SBNO2: variants seen among roughly 807,000 people sequenced by gnomAD.
SBNO2 encodes the protein strawberry notch homolog 2, also known as protein strawberry notch homolog 2.
SBNO2 carries 89 observed loss-of-function variants against 146.3 expected under a neutral mutation model. The ratio of observed to expected loss-of-function variants is 0.61; its 90% CI spans 0.51 to 0.73. SBNO2 has a LOEUF of 0.73. Among genes scored for constraint, SBNO2 ranks in the 30% least tolerant of loss-of-function variants. SBNO2 has a pLI of 0.00. For missense variants in SBNO2, 2,092 were observed against 2,003.7 expected (o/e 1.04, Z -0.84); for synonymous variants, 1,147 against 892.6 (o/e 1.29, Z -5.08).
Position 1,109,365 on chromosome 19 carries a change from G to A in SBNO2, c.3275C>T (p.Thr1092Met), listed in dbSNP as rs779866050. 7 of 1,584,552 alleles carry A rather than the reference G, an allele frequency of 4.4e-6. No homozygotes were observed. In the African/African-American group the frequency reaches 5.4e-5, roughly 12 times the overall value. The change falls in exon 29 of 32, where the codon ACG becomes ATG. Residue 1092 changes from threonine to methionine, a missense_variant. Physicochemically the swap from Thr to Met is moderately conservative, Grantham distance 81 (BLOSUM62 -1). Transcript: ENST00000361757. This position sits in a 1 kb window ranked among gnomAD's most constrained non-coding sequence, Gnocchi z 4.2. ...LAEQNRGQFF[T>M]VYKPNIGRQS... ...CCGGCCGATGTTGGGCTTGTACACC[G>A]TGAAGAACTGGCCGCGGTTCTGCTC...
At chr19:1,166,024 C>T (rs1460602385) in intron 1 of SBNO2, among the ~76,000 whole-genome samples, 1 of 131,634 alleles carries the variant, frequency 7.6e-6, no homozygotes, top group African/African-American at 3.1e-5. Context: ...AGACCTCAGA[C>T]CCCAGACCCC....
rs2080302390 is a variant in SBNO2 at position 1,157,443 on chromosome 19, ACACGG to A, written c.-126-3046_-126-3042del. On this transcript the variant is annotated intron_variant, in intron 1 of 31. Coordinates refer to ENST00000361757, the MANE Select transcript of SBNO2 (RefSeq NM_014963.3). The surrounding 1 kb of genome is among the most constrained non-coding windows in gnomAD (Gnocchi z 6.8). The stretch of plus-strand genomic sequence containing the variant: ...ACCCTCTCCCCACGCGGCCCCGGTG[ACACGG>A]CCCACCCCGAGCCTCAGAGCCACGG... Among the ~76,000 whole-genome samples, 1 of 151,864 alleles carries A rather than the reference ACACGG, an allele frequency of 6.6e-6. No individual in the cohort carries two copies. The highest frequency in any genetic ancestry group is 2.4e-5 in the African/African-American group (1 of 41,266).
chr19:1,156,895 A>T (rs1014201842), intron 1 of SBNO2, among the ~76,000 whole-genome samples: 1 of 147,952 alleles, frequency 6.8e-6, no homozygotes, highest in Non-Finnish European at 1.5e-5. Flanking sequence ...GGCTGTGCCC[A>T]CTCCTGAGAA....
chr19:1,167,457 G>A (rs768627719), intron 1 of SBNO2, among the ~76,000 whole-genome samples: 3 of 152,206 alleles, frequency 2.0e-5, no homozygotes, highest in East Asian at 1.9e-4. Context: ...GGCCGGGGGC[G>A]GGATTCTGCT....
At chr19:1,149,260 C>T in intron 3 of SBNO2, 109 bp downstream of exon 3, 1 of 1,024,618 alleles carries the variant, frequency 9.8e-7, no homozygotes, top group Non-Finnish European at 1.5e-6. Context: ...CCTCCAAACC[C>T]CTCAACAAGA....
chr19:1,112,687 C>A lies in SBNO2; in HGVS notation c.2379+131G>T, dbSNP rs575901090. On this transcript the variant is annotated intron_variant, in intron 20 of 31. Coordinates refer to ENST00000361757, the MANE Select transcript of SBNO2 (RefSeq NM_014963.3). The surrounding 1 kb of genome is among the most constrained non-coding windows in gnomAD (Gnocchi z 5.9). ...CGGGGCGCGGACACCACCCGCCACACGGCCACTCGCGCCCGCACCTGGCAC... is the reference window on the plus strand; with the variant it reads ...CGGGGCGCGGACACCACCCGCCACAAGGCCACTCGCGCCCGCACCTGGCAC... 1.0e-5 allele frequency: 15 copies of A among 1,431,942 alleles called. No individual in the cohort carries two copies. In the African/African-American group the frequency reaches 2.0e-4, roughly 19 times the overall value. The allele number at this position is 1,431,942 out of a possible 1,614,324, so 88.7% of individuals were successfully genotyped here. A position where few individuals can be genotyped will look rare whatever the true frequency, so the allele number is the denominator to read the frequency against.
chr19:1,158,245 C>T lies in SBNO2; in HGVS notation c.-126-3843G>A, dbSNP rs2080310844. Reference sequence around the variant, plus strand: ...CTGTCGTGTGGAGCCCCTTCGCGCGCTCCGCCCTCAGACCCGAGCCGTCTG... The same window carrying T: ...CTGTCGTGTGGAGCCCCTTCGCGCGTTCCGCCCTCAGACCCGAGCCGTCTG... On this transcript the variant is annotated intron_variant, in intron 1 of 31. Coordinates refer to ENST00000361757, the MANE Select transcript of SBNO2 (RefSeq NM_014963.3). This position sits in a 1 kb window ranked among gnomAD's most constrained non-coding sequence, Gnocchi z 9.9. 6.6e-6 allele frequency among the ~76,000 whole-genome samples: 1 copy of T among 152,220 alleles called. No homozygotes were observed. Among genetic ancestry groups the T allele is most frequent in the Non-Finnish European group, 1.5e-5 (1 of 68,038 alleles).
intron 7 of SBNO2, 43 bp downstream of exon 7, chr19:1,123,491 G>C (rs980149455): frequency 3.3e-5 from 52 of 1,554,104 alleles, no homozygotes; most frequent in Non-Finnish European, 4.6e-5. Flanking sequence ...CCCACAAAAG[G>C]GTTTGAACCT....
intron 4 of SBNO2, among the ~76,000 whole-genome samples, chr19:1,128,003 A>G (rs925179582): frequency 2.6e-5 from 4 of 152,072 alleles, no homozygotes; most frequent in Non-Finnish European, 2.9e-5. Context: ...TTTACTAGGG[A>G]CGGGGTTTCA....
At chr19:1,163,180 A>C (rs1448723856) in intron 1 of SBNO2, among the ~76,000 whole-genome samples, 1 of 152,190 alleles carries the variant, frequency 6.6e-6, no homozygotes. Context: ...GTCTTTGCAC[A>C]CGTGGTTGGT....
rs2080127780 is a variant in SBNO2 at position 1,140,746 on chromosome 19, C to T, written c.279+6563G>A. On this transcript the variant is annotated intron_variant, in intron 4 of 31. Coordinates refer to ENST00000361757, the MANE Select transcript of SBNO2 (RefSeq NM_014963.3). This position sits in a 1 kb window ranked among gnomAD's most constrained non-coding sequence, Gnocchi z 4.4. ...CGCAGGCAGCTCCCACGGGCAGAGGCTGCTGACCCCGCCTTGGGCAGGACC... is the reference window on the plus strand; with the variant it reads ...CGCAGGCAGCTCCCACGGGCAGAGGTTGCTGACCCCGCCTTGGGCAGGACC... Among the ~76,000 whole-genome samples the T allele has an allele frequency of 6.6e-6, 1 of 152,210 alleles. No individual in the cohort carries two copies. Among genetic ancestry groups the T allele is most frequent in the Non-Finnish European group, 1.5e-5 (1 of 68,026 alleles).
rs544815438 is a variant in SBNO2, at chr19:1,110,555, A to C, written c.3028+190T>G. On this transcript the variant is annotated intron_variant, in intron 26 of 31. Coordinates refer to ENST00000361757, the MANE Select transcript of SBNO2 (RefSeq NM_014963.3). The surrounding 1 kb of genome is among the most constrained non-coding windows in gnomAD (Gnocchi z 4.9). ...ATGCACGGTGTTCCCACGAGCCCCG[A>C]GCCCACCTGGGATGCCCGGCGTTCC... Among the ~76,000 whole-genome samples, 10 of 132,842 alleles carry C rather than the reference A, an allele frequency of 7.5e-5. No individual in the cohort carries two copies. The highest frequency in any genetic ancestry group is 2.1e-4 in the East Asian group (1 of 4,812). 87.1% of individuals were successfully genotyped at this position (132,842 alleles called of 152,430 possible).
At position 1,108,933 on chromosome 19, in the gene SBNO2, G is replaced by C. The variant is rs747730837; in HGVS notation, c.3462C>G (p.Asp1154Glu). 20 of 1,568,312 alleles carry C rather than the reference G, an allele frequency of 1.3e-5. No homozygotes were observed. The highest frequency in any genetic ancestry group is 9.0e-5 in the Admixed American group (5 of 55,610). Residue 1154 changes from aspartate to glutamate, a missense_variant, in exon 31 of 32, where the codon GAC (aspartate) becomes GAG (glutamate). Asp to Glu is a conservative substitution (Grantham distance 45). Transcript: ENST00000361757. ...GCCGCAGCCGCAGCCCCTGCAGGCA[G>C]TCCTTACCCTCCTGCGCCAGCCGGC... ...RHCRLAQEGK[D>E]CLQGLRLRHH... is the part of the protein sequence containing the mutation.
At chr19:1,132,292 C>A (rs527398463) in intron 4 of SBNO2, 3 of 1,310,226 alleles carry the variant, frequency 2.3e-6, no homozygotes, top group African/African-American at 1.5e-5. Flanking sequence ...TCACCGCCGC[C>A]GGCGCCTACT....
intron 4 of SBNO2, chr19:1,132,182 G>A: frequency 7.1e-7 from 1 of 1,413,678 alleles, no homozygotes; most frequent in Non-Finnish European, 9.2e-7. Flanking sequence ...GCGCTGCCCG[G>A]GAGCGGCTCC....
At chr19:1,145,620 G>C (rs2080182811) in intron 4 of SBNO2, among the ~76,000 whole-genome samples, 1 of 152,284 alleles carries the variant, frequency 6.6e-6, no homozygotes, top group South Asian at 2.1e-4. Context: ...CGGTGAGGAA[G>C]GAGCCACTGC....
intron 1 of SBNO2, among the ~76,000 whole-genome samples, chr19:1,171,230 C>CACAACGCACCCACATCCGT (rs2080474399): frequency 6.6e-6 from 1 of 152,106 alleles, no homozygotes; most frequent in African/African-American, 2.4e-5. Context: ...TTCACACACA[C>CACAACGCACCCACATCCGT]ACAACGCACC....
At chr19:1,159,041 A>T (rs1198634891) in intron 1 of SBNO2, among the ~76,000 whole-genome samples, 1 of 148,354 alleles carries the variant, frequency 6.7e-6, no homozygotes, top group Non-Finnish European at 1.5e-5. Context: ...CCCCACCTGC[A>T]GCCATGACCC....
In SBNO2 at chr19:1,147,431, A is replaced by AC. The variant is rs778909029; in HGVS notation, c.168-12_168-11insG. 0.027 allele frequency: 15,913 copies of AC among 585,650 alleles called. 546 individuals are homozygous for AC. Among genetic ancestry groups the AC allele is most frequent in the East Asian group, 0.087 (2,194 of 25,342 alleles). The allele number at this position is 585,650 out of a possible 1,614,324, so 36.3% of individuals were successfully genotyped here. ...GAGCTCATGAACGGGCTGGAGGGAG[A>AC]TGGGGGGGGGGGAGGTGAGATGGGG... On this transcript the variant is annotated splice_polypyrimidine_tract_variant and intron_variant, in intron 3 of 31. Transcript: ENST00000361757.
Sources: allele counts gnomAD v4.1 joint callset (sites outside exome capture counted in the v4.1 genomes callset), GRCh38; gene constraint gnomAD v4.1.1; non-coding constraint Gnocchi (gnomAD v3.1); transcripts MANE v1.5; gene names NCBI Gene and HGNC (gene_info 2026-07-23, HGNC 2026-07-21).